The following TOX variants were observed in gnomAD, a reference collection of about 807,000 sequenced individuals.
TOX encodes the protein thymocyte selection-associated high mobility group box protein TOX.
Under a neutral mutation model 53.7 loss-of-function variants are expected in TOX, and 11 were observed. The observed-to-expected ratio is 0.20, with a 90% CI of 0.13 to 0.34. The LOEUF (loss-of-function observed/expected upper bound fraction) is 0.34. Ranked by LOEUF, TOX falls within the 10% of genes least tolerant of loss-of-function variation. The pLI is 1.00. For synonymous variants in TOX, 225 were observed against 245.3 expected, an observed-to-expected ratio of 0.92 and a Z score of 0.77; for missense variants, 570 against 664.6, an observed-to-expected ratio of 0.86 and a Z score of 1.56.
chr8:59,000,134 C>T (rs1813662050), intron 1 of TOX, among the ~76,000 whole-genome samples: 1 of 151,950 alleles, frequency 6.6e-6, no homozygotes, highest in Non-Finnish European at 1.5e-5. Flanking sequence ...CTAAAGAAAT[C>T]TACTATGTAC....
chr8:58,840,303 T>G (rs1442379778), intron 4 of TOX, among the ~76,000 whole-genome samples: 1 of 152,214 alleles, frequency 6.6e-6, no homozygotes, highest in Non-Finnish European at 1.5e-5. Context: ...GTTGACAAGC[T>G]AATGTAGATT....
intron 1 of TOX, among the ~76,000 whole-genome samples, chr8:59,013,009 C>T (rs574630891): frequency 1.3e-5 from 2 of 151,756 alleles, no homozygotes; most frequent in South Asian, 2.1e-4. Flanking sequence ...CCATGATATA[C>T]AGTCTTTTTA....
chr8:59,039,301 GA>G (rs1386369114), intron 1 of TOX, among the ~76,000 whole-genome samples: 1 of 152,210 alleles, frequency 6.6e-6, no homozygotes, highest in Non-Finnish European at 1.5e-5. Flanking sequence ...CTTTATGACT[GA>G]AAGCAACAAT....
intron 1 of TOX, among the ~76,000 whole-genome samples, chr8:59,016,652 G>C (rs759574464): frequency 4.6e-5 from 7 of 152,086 alleles, no homozygotes; most frequent in Non-Finnish European, 8.8e-5. Flanking sequence ...GAATGCCTTG[G>C]TTCTCTTTCT....
At chr8:59,064,639 C>G (rs1804054897) in intron 1 of TOX, among the ~76,000 whole-genome samples, 2 of 152,090 alleles carry the variant, frequency 1.3e-5, no homozygotes, top group African/African-American at 4.8e-5. Context: ...TTCTAGGGAA[C>G]ATGAAATCAC....
chr8:59,029,309 C>G (rs1433935408), intron 1 of TOX, among the ~76,000 whole-genome samples: 4 of 150,244 alleles, frequency 2.7e-5, no homozygotes, highest in Non-Finnish European at 4.4e-5. Flanking sequence ...TGGAAAACTG[C>G]CAGCATGTAC....
intron 3 of TOX, among the ~76,000 whole-genome samples, chr8:58,885,342 A>T (rs1811448330): frequency 6.6e-6 from 1 of 152,074 alleles, no homozygotes; most frequent in Non-Finnish European, 1.5e-5. Context: ...CAGTAGTCAG[A>T]TTGGAACCTA....
At chr8:59,025,391 A>G (rs1478996708) in intron 1 of TOX, among the ~76,000 whole-genome samples, 3 of 152,152 alleles carry the variant, frequency 2.0e-5, no homozygotes, top group East Asian at 3.9e-4. Flanking sequence ...TACATCCAAT[A>G]TGAGACTGAG....
chr8:58,893,651 G>A (rs1051234912), intron 3 of TOX, among the ~76,000 whole-genome samples: 1 of 152,156 alleles, frequency 6.6e-6, no homozygotes, highest in Non-Finnish European at 1.5e-5. Flanking sequence ...GTTCCTAATG[G>A]CTTTAGCTGC....
intron 3 of TOX, among the ~76,000 whole-genome samples, chr8:58,862,316 T>C (rs1811023983): frequency 6.6e-6 from 1 of 152,170 alleles, no homozygotes; most frequent in Admixed American, 6.6e-5. Flanking sequence ...TTTTATAGCA[T>C]GTTAGATAAT....
At chr8:58,975,569 C>T (rs2129180079) in intron 1 of TOX, among the ~76,000 whole-genome samples, 1 of 152,264 alleles carries the variant, frequency 6.6e-6, no homozygotes, top group South Asian at 2.1e-4. Context: ...CACTATACTA[C>T]AGTCTATTAA....
chr8:58,842,331 A>G (rs1030329088), intron 4 of TOX, among the ~76,000 whole-genome samples: 2 of 152,144 alleles, frequency 1.3e-5, no homozygotes, highest in African/African-American at 4.8e-5. Context: ...CAGAAAAAAG[A>G]CAACTTTTTC....
chr8:58,941,715 G>GAAAAA (rs1321361873), intron 2 of TOX, among the ~76,000 whole-genome samples: 1 of 152,080 alleles, frequency 6.6e-6, no homozygotes, highest in Non-Finnish European at 1.5e-5. Flanking sequence ...TGCAAATGCT[G>GAAAAA]AATTGTTGAC....
intron 3 of TOX, among the ~76,000 whole-genome samples, chr8:58,899,767 G>A (rs959184259): frequency 6.6e-6 from 1 of 152,000 alleles, no homozygotes; most frequent in Non-Finnish European, 1.5e-5. Flanking sequence ...TTCAGATTAG[G>A]GATATTCAAC....
At chr8:58,995,372 T>C (rs911376555) in intron 1 of TOX, among the ~76,000 whole-genome samples, 1 of 152,210 alleles carries the variant, frequency 6.6e-6, no homozygotes, top group Non-Finnish European at 1.5e-5. Flanking sequence ...TGCTTAGGAA[T>C]CCCAAATTTC....
Position 58,838,093 on chromosome 8 carries a change from T to C in TOX, c.912A>G (p.Glu304=). The change falls in exon 5 of 9, where the codon GAA becomes GAG. Residue 304 remains glutamate, a synonymous_variant. Transcript: ENST00000361421. The part of the protein sequence containing the change: ...IVASMWDGLG[E]EQKQVYKKKT... Reference sequence around the variant, plus strand: ...GGGAATCCCTTACCTGTTTTTGCTCTTCTCCTAAACCGTCCCACATTGAAG... The same window carrying C: ...GGGAATCCCTTACCTGTTTTTGCTCCTCTCCTAAACCGTCCCACATTGAAG... 6.2e-7 allele frequency: 1 copy of C among 1,614,062 alleles called. No individual in the cohort carries two copies. Among genetic ancestry groups the C allele is most frequent in the Non-Finnish European group, 8.5e-7 (1 of 1,179,928 alleles).
intron 1 of TOX, among the ~76,000 whole-genome samples, chr8:59,060,886 A>G (rs866112): frequency 0.95 from 143,899 of 152,220 alleles, 68,074 homozygotes; most frequent in African/African-American, 0.97. Flanking sequence ...TTATATTTAG[A>G]GTGGAACATT....
intron 1 of TOX, among the ~76,000 whole-genome samples, chr8:59,065,946 T>C (rs1246625823): frequency 6.6e-6 from 1 of 152,196 alleles, no homozygotes; most frequent in African/African-American, 2.4e-5. Context: ...GACGGTTTGA[T>C]TGAGAGCAAA....
intron 1 of TOX, among the ~76,000 whole-genome samples, chr8:59,053,141 T>C (rs1161831507): frequency 1.3e-5 from 2 of 152,192 alleles, no homozygotes; most frequent in African/African-American, 2.4e-5. Flanking sequence ...TAAAACTTTT[T>C]TTAAAAAAAT....
Sources: gnomAD v4.1 joint callset for allele counts (sites outside exome capture counted in the v4.1 genomes callset) on GRCh38, gnomAD v4.1.1 for gene constraint, MANE v1.5 for transcripts, NCBI Gene and HGNC (gene_info 2026-07-23, HGNC 2026-07-21) for gene names.